The following PTPRM variants were observed in gnomAD, a reference collection of about 807,000 sequenced individuals.
PTPRM encodes the protein receptor-type tyrosine-protein phosphatase mu.
A neutral mutation model predicts 186.7 loss-of-function variants in PTPRM; 47 were observed. The ratio of observed to expected loss-of-function variants is 0.25; its 90% CI spans 0.20 to 0.32. The LOEUF (loss-of-function observed/expected upper bound fraction) is 0.32. PTPRM is among the 10% of genes least tolerant of loss of function. The pLI is 1.00. For missense variants in PTPRM, 1,494 were observed against 1,865.0 expected (o/e 0.80, Z 3.66); for synonymous variants, 668 against 674.9 (o/e 0.99, Z 0.16).
rs549882735 is a variant in PTPRM at position 7,703,612 on chromosome 18, C to A, written c.74-70537C>A. On this transcript the variant is annotated intron_variant, in intron 1 of 32. Coordinates refer to ENST00000580170, the MANE Select transcript of PTPRM (RefSeq NM_001105244.2). ...TTTTCTAAATATACAATCATGTCCT[C>A]TGCAAACAGAGACAATTTGACTTCC... Among the ~76,000 whole-genome samples the A allele has an allele frequency of 7.2e-5, 11 of 152,276 alleles. No homozygotes were observed. In the East Asian group the frequency reaches 1.4e-3, roughly 19 times the overall value.
intron 14 of PTPRM, among the ~76,000 whole-genome samples, chr18:8,231,359 C>T (rs1476240042): frequency 6.6e-6 from 1 of 152,156 alleles, no homozygotes; most frequent in East Asian, 1.9e-4. Context: ...CCAATTGCCA[C>T]TCAGTCCAGT....
chr18:8,332,703 C>G (rs1434792118), intron 22 of PTPRM, among the ~76,000 whole-genome samples: 1 of 152,146 alleles, frequency 6.6e-6, no homozygotes, highest in Non-Finnish European at 1.5e-5. Context: ...AAGTACCCGC[C>G]AACCAGAGAG....
At chr18:7,612,976 G>A (rs943643675) in intron 1 of PTPRM, among the ~76,000 whole-genome samples, 1 of 152,132 alleles carries the variant, frequency 6.6e-6, no homozygotes, top group Non-Finnish European at 1.5e-5. Context: ...ACAGTTTATA[G>A]GCAGGAGGGC....
At chr18:7,742,593 C>T (rs2040905643) in intron 1 of PTPRM, among the ~76,000 whole-genome samples, 1 of 152,304 alleles carries the variant, frequency 6.6e-6, no homozygotes, top group African/African-American at 2.4e-5. Flanking sequence ...AATCCCAGCG[C>T]TTTGGCAGGC....
In PTPRM at chr18:7,961,968, G is replaced by A. The variant is rs1599739745; in HGVS notation, c.1132+6554G>A. Among the ~76,000 whole-genome samples the A allele has an allele frequency of 3.4e-5, 5 of 148,790 alleles. 1 individual carries two copies. The East Asian group carries it at 1.0e-3, about 30-fold the overall frequency. The stretch of plus-strand genomic sequence containing the variant: ...AAAATGTATTTTGTTGTACTTAGAT[G>A]CTTTGATAACATGCAGTAATAGCTA... On this transcript the variant is annotated intron_variant, in intron 7 of 32. Coordinates refer to ENST00000580170, the MANE Select transcript of PTPRM (RefSeq NM_001105244.2).
chr18:8,363,207 G>A (rs938979163), intron 23 of PTPRM, among the ~76,000 whole-genome samples: 3 of 152,134 alleles, frequency 2.0e-5, no homozygotes, highest in Admixed American at 6.5e-5. Context: ...CCAGCTTTAC[G>A]TTATGTGTTT....
chr18:7,642,688 A>G (rs1453715126), intron 1 of PTPRM, among the ~76,000 whole-genome samples: 1 of 151,900 alleles, frequency 6.6e-6, no homozygotes, highest in Non-Finnish European at 1.5e-5. Context: ...GAAAGCTTAC[A>G]TGTTGACTTT....
At chr18:8,315,312 C>T (rs1388320225) in intron 21 of PTPRM, among the ~76,000 whole-genome samples, 1 of 152,082 alleles carries the variant, frequency 6.6e-6, no homozygotes, top group Admixed American at 6.5e-5. Flanking sequence ...ATTTGCAATC[C>T]CTTGTCATCA....
In PTPRM at chr18:7,768,938, G is replaced by A. The variant is rs2042146548; in HGVS notation, c.74-5211G>A. ...TGGGATTACAGGTGTGAGCCACAGTGCCTGGCCCATAAAGATAATTTTAAA... is the reference window on the plus strand; with the variant it reads ...TGGGATTACAGGTGTGAGCCACAGTACCTGGCCCATAAAGATAATTTTAAA... On this transcript the variant is annotated intron_variant, in intron 1 of 32. Transcript: ENST00000580170. Among the ~76,000 whole-genome samples the A allele has an allele frequency of 2.0e-5, 3 of 152,036 alleles. No homozygotes were observed. In the South Asian group the frequency reaches 6.2e-4, roughly 32 times the overall value.
chr18:7,716,562 A>G (rs769103922), intron 1 of PTPRM, among the ~76,000 whole-genome samples: 19 of 152,236 alleles, frequency 1.2e-4, no homozygotes, highest in Non-Finnish European at 2.5e-4. Context: ...CCAGAATGCG[A>G]GAAAATTTTT....
At chr18:8,190,222 T>G (rs563505705) in intron 14 of PTPRM, among the ~76,000 whole-genome samples, 79 of 152,344 alleles carry the variant, frequency 5.2e-4, no homozygotes, top group African/African-American at 1.9e-3. Flanking sequence ...CTTGAAATTA[T>G]TCTTCTTGTC....
intron 23 of PTPRM, among the ~76,000 whole-genome samples, chr18:8,365,310 G>A (rs530816254): frequency 2.4e-4 from 36 of 152,174 alleles, no homozygotes; most frequent in South Asian, 6.2e-4. Context: ...TCCAGAGCAC[G>A]AGGAAATACA....
intron 14 of PTPRM, among the ~76,000 whole-genome samples, chr18:8,215,825 G>A (rs888233261): frequency 2.0e-5 from 3 of 152,022 alleles, no homozygotes; most frequent in Non-Finnish European, 4.4e-5. Flanking sequence ...TGCAATTACA[G>A]GATCACCACA....
chr18:8,249,087 A>G (rs938897190), intron 17 of PTPRM, among the ~76,000 whole-genome samples: 3 of 152,326 alleles, frequency 2.0e-5, no homozygotes, highest in African/African-American at 7.2e-5. Flanking sequence ...AGCACAACAA[A>G]AACGACTTCA....
intron 1 of PTPRM, among the ~76,000 whole-genome samples, chr18:7,580,674 A>T (rs550838489): frequency 6.6e-6 from 1 of 152,216 alleles, no homozygotes. Context: ...CCATTTACAA[A>T]TAAAAGCTTG....
chr18:8,082,166 T>A (rs543328814), intron 9 of PTPRM, among the ~76,000 whole-genome samples: 3 of 152,216 alleles, frequency 2.0e-5, no homozygotes, highest in African/African-American at 7.2e-5. Flanking sequence ...TATTTACTGA[T>A]CACAGTGGGA....
chr18:8,227,542 A>G (rs2094229047), intron 14 of PTPRM, among the ~76,000 whole-genome samples: 1 of 152,214 alleles, frequency 6.6e-6, no homozygotes. Flanking sequence ...GGGATCCAGA[A>G]TATGCAATTT....
intron 14 of PTPRM, among the ~76,000 whole-genome samples, chr18:8,194,410 A>G (rs2093748105): frequency 6.6e-6 from 1 of 152,236 alleles, no homozygotes. Context: ...GTGGAAAACA[A>G]GCATTAAAAC....
intron 2 of PTPRM, among the ~76,000 whole-genome samples, chr18:7,882,735 GT>G (rs1468975110): frequency 1.3e-5 from 2 of 152,152 alleles, no homozygotes; most frequent in African/African-American, 4.8e-5. Flanking sequence ...TGTTGTTGTT[GT>G]TTGCAAAGTT....
Sources: gnomAD v4.1 joint callset for allele counts (sites outside exome capture counted in the v4.1 genomes callset) on GRCh38, gnomAD v4.1.1 for gene constraint, MANE v1.5 for transcripts, NCBI Gene and HGNC (gene_info 2026-07-23, HGNC 2026-07-21) for gene names.